PDE4B: variants seen among roughly 807,000 people sequenced by gnomAD.
PDE4B encodes the protein 3',5'-cyclic-AMP phosphodiesterase 4B.
Under a neutral mutation model 82.2 loss-of-function variants are expected in PDE4B, and 20 were observed. That is an observed-to-expected ratio of 0.24 (90% CI 0.17 to 0.35). PDE4B has a LOEUF of 0.35. Among genes scored for constraint, PDE4B ranks in the 10% least tolerant of loss-of-function variants. PDE4B has a pLI of 1.00. For synonymous variants in PDE4B, 320 were observed against 318.9 expected, an observed-to-expected ratio of 1.00 and a Z score of -0.04; for missense variants, 655 against 907.2, an observed-to-expected ratio of 0.72 and a Z score of 3.57.
chr1:65,975,120 G>A (rs1210320424), intron 3 of PDE4B, among the ~76,000 whole-genome samples: 2 of 152,216 alleles, frequency 1.3e-5, no homozygotes, highest in African/African-American at 4.8e-5. Flanking sequence ...AATGCTGATA[G>A]TGATATGGAC....
intron 8 of PDE4B, among the ~76,000 whole-genome samples, chr1:66,341,319 C>A (rs959563798): frequency 1.3e-5 from 2 of 152,232 alleles, no homozygotes; most frequent in East Asian, 3.8e-4. Context: ...TACTGTTCAT[C>A]TTCAGCAAAA....
In PDE4B at chr1:66,036,692, G is replaced by A. The variant is rs537068115; in HGVS notation, c.281+117857G>A. On this transcript the variant is annotated intron_variant, in intron 3 of 16. Transcript: ENST00000341517. ...CATTAGTTGAGGTGTCTGTTTTTAC[G>A]CCAATATCATGCTGCTTTGCTGTTT... Among the ~76,000 whole-genome samples the A allele has an allele frequency of 7.2e-5, 11 of 152,148 alleles. No homozygotes were observed. The East Asian group carries it at 7.7e-4, about 11-fold the overall frequency.
intron 1 of PDE4B, among the ~76,000 whole-genome samples, chr1:65,884,984 A>C (rs1055091691): frequency 6.6e-6 from 1 of 152,248 alleles, no homozygotes; most frequent in African/African-American, 2.4e-5. Flanking sequence ...TAATATCCAG[A>C]ATCTACAAAT....
At chr1:65,907,306 G>A (rs1233336970) in intron 1 of PDE4B, among the ~76,000 whole-genome samples, 1 of 152,112 alleles carries the variant, frequency 6.6e-6, no homozygotes, top group Non-Finnish European at 1.5e-5. Flanking sequence ...ATCAAATTCT[G>A]ATATGTTTAT....
chr1:66,206,488 G>A (rs769895415), intron 3 of PDE4B, among the ~76,000 whole-genome samples: 6 of 152,216 alleles, frequency 3.9e-5, no homozygotes, highest in Middle Eastern at 6.3e-3. Flanking sequence ...CAAGAAGGTA[G>A]AAGACTTGGT....
chr1:66,318,154 T>C (rs1042753342), intron 7 of PDE4B, among the ~76,000 whole-genome samples: 1 of 152,192 alleles, frequency 6.6e-6, no homozygotes, highest in Non-Finnish European at 1.5e-5. Flanking sequence ...ACTGGTATAG[T>C]GATGAATATC....
chr1:65,884,305 T>C (rs1024675405), intron 1 of PDE4B, among the ~76,000 whole-genome samples: 1 of 152,176 alleles, frequency 6.6e-6, no homozygotes, highest in African/African-American at 2.4e-5. Flanking sequence ...TTTTGGTTGG[T>C]AGGCTATTAA....
intron 3 of PDE4B, among the ~76,000 whole-genome samples, chr1:65,927,344 G>A (rs1647557522): frequency 6.6e-6 from 1 of 150,586 alleles, no homozygotes; most frequent in Admixed American, 6.7e-5. Flanking sequence ...ACAAGCAGGA[G>A]CAAATGGGAA....
intron 3 of PDE4B, among the ~76,000 whole-genome samples, chr1:66,209,885 T>C (rs1264931992): frequency 3.9e-5 from 6 of 152,218 alleles, no homozygotes; most frequent in Non-Finnish European, 2.9e-5. Flanking sequence ...CAAATAATAT[T>C]CCATTATATC....
chr1:65,898,089 G>T (rs1348389149), intron 1 of PDE4B, among the ~76,000 whole-genome samples: 3 of 152,114 alleles, frequency 2.0e-5, no homozygotes, highest in Non-Finnish European at 4.4e-5. Context: ...GATGATTAGT[G>T]ATGTTGAGCA....
chr1:65,903,375 G>A (rs2100427862), intron 1 of PDE4B, among the ~76,000 whole-genome samples: 1 of 151,740 alleles, frequency 6.6e-6, no homozygotes, highest in Admixed American at 6.6e-5. Flanking sequence ...TATAGCCTGG[G>A]CAATATGGCG....
intron 2 of PDE4B, among the ~76,000 whole-genome samples, chr1:65,915,775 T>C (rs889601323): frequency 6.6e-5 from 10 of 152,178 alleles, no homozygotes; most frequent in Non-Finnish European, 1.5e-4. Context: ...TTTCAAATTT[T>C]ATTGGCAAGA....
At chr1:65,961,826 T>A (rs1205830308) in intron 3 of PDE4B, among the ~76,000 whole-genome samples, 2 of 151,994 alleles carry the variant, frequency 1.3e-5, no homozygotes, top group South Asian at 2.1e-4. Flanking sequence ...AGAAGATGGA[T>A]TGGGAGTGGA....
At chr1:66,292,409 G>A (rs1249657258) in intron 7 of PDE4B, among the ~76,000 whole-genome samples, 1 of 152,136 alleles carries the variant, frequency 6.6e-6, no homozygotes, top group Non-Finnish European at 1.5e-5. Context: ...CAAAGCGAGG[G>A]TTTAGAATTA....
chr1:66,368,260 C>T (rs57528310), intron 15 of PDE4B, 195 bp downstream of exon 15: 7,297 of 561,014 alleles, frequency 0.013, 415 homozygotes, highest in African/African-American at 0.12. Context: ...GAAAAATAAT[C>T]TCTATTTGTG....
intron 3 of PDE4B, among the ~76,000 whole-genome samples, chr1:66,082,891 A>C (rs1656815219): frequency 6.6e-6 from 1 of 152,038 alleles, no homozygotes; most frequent in Non-Finnish European, 1.5e-5. Flanking sequence ...TTCAGAATCT[A>C]GTGGGAGATA....
intron 1 of PDE4B, among the ~76,000 whole-genome samples, chr1:65,875,952 TAA>T (rs34676619): frequency 6.7e-6 from 1 of 148,694 alleles, no homozygotes; most frequent in Non-Finnish European, 1.5e-5. Context: ...AAAGTATAAT[TAA>T]AAAAAAAATG....
At chr1:66,098,133 C>G (rs1340961981) in intron 3 of PDE4B, among the ~76,000 whole-genome samples, 5 of 152,100 alleles carry the variant, frequency 3.3e-5, no homozygotes, top group Non-Finnish European at 7.4e-5. Flanking sequence ...GTTCTTTCTT[C>G]AGCATTGGGT....
intron 1 of PDE4B, among the ~76,000 whole-genome samples, chr1:65,866,380 C>T (rs777926096): frequency 6.6e-6 from 1 of 152,074 alleles, no homozygotes; most frequent in Non-Finnish European, 1.5e-5. Context: ...AGAATTGTCA[C>T]TAACACACTC....
Sources: allele counts gnomAD v4.1 joint callset (sites outside exome capture counted in the v4.1 genomes callset), GRCh38; gene constraint gnomAD v4.1.1; transcripts MANE v1.5; gene names NCBI Gene and HGNC (gene_info 2026-07-23, HGNC 2026-07-21).